Variants in ACAA2 observed in about 807,000 individuals in gnomAD.
ACAA2 encodes the protein acetyl-CoA acyltransferase 2.
In ACAA2, 35 loss-of-function variants were observed where a neutral mutation model predicts 44.8. The ratio of observed to expected loss-of-function variants is 0.78; its 90% confidence interval spans 0.60 to 1.04. The LOEUF is 1.04. Ranked by LOEUF, ACAA2 falls within the 50% of genes least tolerant of loss-of-function variation. The pLI, the probability that ACAA2 is intolerant of heterozygous loss-of-function variation, is 0.00. For missense variants in ACAA2, 468 were observed against 482.6 expected, an observed-to-expected ratio of 0.97 and a Z score of 0.28; for synonymous variants, 142 against 166.5, an observed-to-expected ratio of 0.85 and a Z score of 1.13.
intron 1 of ACAA2, among the ~76,000 whole-genome samples, chr18:49,809,258 G>A (rs1354745639): frequency 6.6e-6 from 1 of 152,126 alleles, no homozygotes; most frequent in East Asian, 1.9e-4. Context: ...TCAAACACAC[G>A]TTTTACAATC....
At chr18:49,789,872 T>C (rs2023378011) in intron 7 of ACAA2, among the ~76,000 whole-genome samples, 1 of 151,976 alleles carries the variant, frequency 6.6e-6, no homozygotes, top group Non-Finnish European at 1.5e-5. Flanking sequence ...TAATCCCAGC[T>C]ACTGGGAAGA....
intron 6 of ACAA2, 94 bp from the exon 7 acceptor site, chr18:49,791,693 G>A: frequency 7.7e-7 from 1 of 1,303,794 alleles, no homozygotes; most frequent in African/African-American, 1.5e-5. Context: ...GAATATGGCA[G>A]TACATAGGAA....
At chr18:49,803,306 G>A (rs138772245) in intron 1 of ACAA2, among the ~76,000 whole-genome samples, 1,816 of 150,208 alleles carry the variant, frequency 0.012, 33 homozygotes, top group African/African-American at 0.039. Context: ...TAAACTACTT[G>A]TGTTATCTGT....
rs140434637 is a variant in ACAA2 at position 49,791,598 on chromosome 18, C to A, written c.755G>T (p.Gly252Val). 2 of 1,612,094 alleles carry A rather than the reference C, an allele frequency of 1.2e-6. No individual in the cohort carries two copies. The highest frequency in any genetic ancestry group is 1.7e-6 in the Non-Finnish European group (2 of 1,179,228). ...AACAGCTCCAGCACCATCAGCTACA[C>A]CCTTGAAAATAAAAATACTAGATTA... is the stretch of plus-strand genomic sequence containing the variant. ...DGTVTAGNAS[G>V]VADGAGAVII... The change falls in exon 7 of 10, where the codon GGT becomes GTT. Residue 252 changes from glycine (G) to valine (V), a missense_variant and splice_region_variant. Transcript: ENST00000285093.
chr18:49,791,749 G>T, intron 6 of ACAA2, 150 bp from the exon 7 acceptor site: 2 of 729,310 alleles, frequency 2.7e-6, no homozygotes, highest in Non-Finnish European at 4.2e-6. Flanking sequence ...GTACTGTGGT[G>T]GATGAAGGAG....
intron 3 of ACAA2, among the ~76,000 whole-genome samples, chr18:49,796,979 T>C (rs1032718667): frequency 5.3e-5 from 8 of 151,824 alleles, no homozygotes; most frequent in Non-Finnish European, 1.0e-4. Flanking sequence ...TATATATATA[T>C]ATAATACTTA....
chr18:49,798,272 A>C (rs2023488003), intron 2 of ACAA2, among the ~76,000 whole-genome samples: 1 of 152,214 alleles, frequency 6.6e-6, no homozygotes, highest in Non-Finnish European at 1.5e-5. Context: ...AAGACAGATG[A>C]ATGATTGGTC....
intron 5 of ACAA2, 129 bp from the exon 6 acceptor site, chr18:49,792,456 A>G (rs1598793927): frequency 3.5e-5 from 31 of 875,978 alleles, no homozygotes; most frequent in East Asian, 1.1e-4. Flanking sequence ...AGTCTTTATT[A>G]ATTTTTGAGA....
At chr18:49,784,685 TCTGGTA>T (rs1468866465) in intron 9 of ACAA2, among the ~76,000 whole-genome samples, 1 of 152,120 alleles carries the variant, frequency 6.6e-6, no homozygotes, top group Non-Finnish European at 1.5e-5. Flanking sequence ...AGCTCCTCCT[TCTGGTA>T]CTATCTATCA....
intron 1 of ACAA2, among the ~76,000 whole-genome samples, chr18:49,807,877 G>A (rs1413681723): frequency 1.3e-5 from 2 of 150,620 alleles, no homozygotes; most frequent in Non-Finnish European, 3.0e-5. Context: ...GCTGTTAAGA[G>A]AATGAAAAGA....
chr18:49,788,316 T>C (rs1479899798), intron 7 of ACAA2, among the ~76,000 whole-genome samples: 1 of 152,228 alleles, frequency 6.6e-6, no homozygotes, highest in Non-Finnish European at 1.5e-5. Context: ...TCAAATATTC[T>C]GCATCAAGTT....
intron 3 of ACAA2, 84 bp downstream of exon 3, chr18:49,797,382 G>A (rs2023477042): frequency 4.6e-6 from 6 of 1,304,546 alleles, no homozygotes; most frequent in Non-Finnish European, 4.2e-6. Context: ...CCTCCCTAAA[G>A]CTAAAGTGTT....
chr18:49,800,960 A>G (rs2023540861), intron 2 of ACAA2, among the ~76,000 whole-genome samples: 1 of 151,976 alleles, frequency 6.6e-6, no homozygotes, highest in Admixed American at 6.6e-5. Flanking sequence ...CTTTCCCCCT[A>G]TAATCAGGAA....
chr18:49,793,617 T>TTTAATATTCCTAAATAAGAGTTTCCAC (rs2023431632), intron 5 of ACAA2, among the ~76,000 whole-genome samples: 2 of 152,232 alleles, frequency 1.3e-5, no homozygotes, highest in South Asian at 4.1e-4. Flanking sequence ...ACTTCAAGCA[T>TTTAATATTCCTAAATAAGAGTTTCCAC]TTAATATTCC....
chr18:49,796,902 G>A (rs894969156), intron 3 of ACAA2, among the ~76,000 whole-genome samples: 2 of 151,944 alleles, frequency 1.3e-5, no homozygotes, highest in East Asian at 3.8e-4. Context: ...AATCTAGCAG[G>A]GTGCCTAGCA....
intron 7 of ACAA2, among the ~76,000 whole-genome samples, chr18:49,788,964 T>C (rs528902263): frequency 6.6e-6 from 1 of 152,326 alleles, no homozygotes; most frequent in African/African-American, 2.4e-5. Flanking sequence ...AATAGCACTC[T>C]GAATGGGTTT....
intron 2 of ACAA2, among the ~76,000 whole-genome samples, chr18:49,801,806 A>ATATATAT (rs2023552116): frequency 2.1e-5 from 3 of 144,160 alleles, no homozygotes; most frequent in African/African-American, 7.7e-5. Context: ...ATATATATAT[A>ATATATAT]TATATATATC....
rs992316742 is a variant in ACAA2 at position 49,802,172 on chromosome 18, C to T, written c.183+515G>A. Among the ~76,000 whole-genome samples, 5 of 152,110 alleles carry T rather than the reference C, an allele frequency of 3.3e-5. 1 individual carries two copies. The highest frequency in any genetic ancestry group is 7.2e-5 in the African/African-American group (3 of 41,384). Reference sequence around the variant, plus strand: ...ATTTAGGAAGCACTGAAATGCATCCCAAGTCAGACATACAGTTTCTAGAAC... The same window carrying T: ...ATTTAGGAAGCACTGAAATGCATCCTAAGTCAGACATACAGTTTCTAGAAC... On this transcript the variant is annotated intron_variant, in intron 2 of 9. Transcript: ENST00000285093.
chr18:49,813,264 C>T (rs2023692400), intron 1 of ACAA2, among the ~76,000 whole-genome samples: 1 of 152,246 alleles, frequency 6.6e-6, no homozygotes, highest in African/African-American at 2.4e-5. Context: ...AAATCGCTGT[C>T]GCTAGCGCCT....
Sources: allele counts gnomAD v4.1 joint callset (sites outside exome capture counted in the v4.1 genomes callset), GRCh38; gene constraint gnomAD v4.1.1; transcripts MANE v1.5; gene names NCBI Gene and HGNC (gene_info 2026-07-23, HGNC 2026-07-21).